Variants in CCDC18 observed in about 807,000 individuals in gnomAD.
The protein encoded by CCDC18 is coiled-coil domain containing 18.
Under a neutral mutation model 196.0 loss-of-function variants are expected in CCDC18, and 157 were observed. The ratio of observed to expected loss-of-function variants is 0.80; its 90% confidence interval spans 0.70 to 0.91. CCDC18 has a LOEUF of 0.91. Among genes scored for constraint, CCDC18 ranks in the 40% least tolerant of loss-of-function variants. The pLI, the probability that CCDC18 is intolerant of heterozygous loss-of-function variation, is 0.00. For missense variants in CCDC18, 1,465 were observed against 1,611.6 expected (o/e 0.91, Z 1.56); for synonymous variants, 482 against 529.2 (o/e 0.91, Z 1.22).
At chr1:93,244,084 A>G (rs1210950677) in intron 21 of CCDC18, among the ~76,000 whole-genome samples, 2 of 152,226 alleles carry the variant, frequency 1.3e-5, no homozygotes, top group Non-Finnish European at 2.9e-5. Context: ...TTTACAAAAG[A>G]AAGAGGTTTA....
chr1:93,210,229 C>G (rs1655389760), intron 9 of CCDC18, among the ~76,000 whole-genome samples: 1 of 152,164 alleles, frequency 6.6e-6, no homozygotes, highest in African/African-American at 2.4e-5. Flanking sequence ...AACCTTGCTC[C>G]TTTTTATAAC....
chr1:93,200,651 A>G (rs1038741922), intron 6 of CCDC18, among the ~76,000 whole-genome samples: 5 of 152,196 alleles, frequency 3.3e-5, no homozygotes, highest in African/African-American at 4.8e-5. Flanking sequence ...AAGGACCTCA[A>G]CTTTATTTGT....
chr1:93,208,324 C>CT lies in CCDC18; in HGVS notation c.1209+935dup, dbSNP rs771355381. Among the ~76,000 whole-genome samples the CT allele has an allele frequency of 2.8e-3, 388 of 138,590 alleles. 1 individual carries two copies. The highest frequency in any genetic ancestry group is 4.7e-3 in the Admixed American group (61 of 13,026). 90.9% of individuals were successfully genotyped at this position (138,590 alleles called of 152,430 possible). On this transcript the variant is annotated intron_variant, in intron 9 of 28. Transcript: ENST00000690025. ...GAAGTGGTATCACATTGTGGTTTTT[C>CT]TTTTTTTTTGTTTGTTTGTTTTTTT...
intron 23 of CCDC18, among the ~76,000 whole-genome samples, chr1:93,252,732 T>C (rs1662432889): frequency 6.6e-6 from 1 of 152,230 alleles, no homozygotes; most frequent in South Asian, 2.1e-4. Context: ...TTTTAGTCTT[T>C]GCAGTCTGGC....
chr1:93,203,834 A>G (rs954929365), intron 7 of CCDC18, among the ~76,000 whole-genome samples: 1 of 152,094 alleles, frequency 6.6e-6, no homozygotes, highest in Admixed American at 6.5e-5. Flanking sequence ...CTGTCTGTAA[A>G]AAATCAGAAA....
chr1:93,257,238 A>T (rs1165994180), intron 25 of CCDC18, among the ~76,000 whole-genome samples: 1 of 137,286 alleles, frequency 7.3e-6, no homozygotes, highest in Admixed American at 7.1e-5. Context: ...TCTCAAAAAA[A>T]AAAAAAAAAA....
rs781505934 is a variant in CCDC18 at position 93,226,335 on chromosome 1, T to C, written c.2178T>C (p.Val726=). 3 of 1,436,010 alleles carry C rather than the reference T, an allele frequency of 2.1e-6. No homozygotes were observed. In the South Asian group the frequency reaches 3.8e-5, roughly 18 times the overall value. 89.0% of individuals were successfully genotyped at this position (1,436,010 alleles called of 1,614,324 possible). A position where few individuals can be genotyped will look rare whatever the true frequency, so the allele number is the denominator to read the frequency against. The change falls in exon 17 of 29, where the codon GTT becomes GTC. Residue 726 remains valine, a splice_region_variant and synonymous_variant. Coordinates refer to ENST00000690025, the MANE Select transcript of CCDC18 (RefSeq NM_001378204.1). ...TTTTTGCTTTTTTTCCTGCTTAGGT[T>C]AGGCAACTAGATTCAGCATTGGAAA... ...QNQVSEETIK[V]RQLDSALEIC... is the part of the protein sequence containing the mutation.
intron 8 of CCDC18, among the ~76,000 whole-genome samples, chr1:93,206,065 G>T (rs971952401): frequency 2.6e-5 from 4 of 151,934 alleles, no homozygotes; most frequent in Non-Finnish European, 4.4e-5. Context: ...CTGAAAGATC[G>T]AAGTCTTCTG....
At chr1:93,262,108 C>G (rs1001232800) in intron 26 of CCDC18, 5 of 152,124 alleles carry the variant, frequency 3.3e-5, no homozygotes, top group African/African-American at 1.2e-4. Context: ...GGAACCACCC[C>G]CATGATCCAA....
intron 26 of CCDC18, among the ~76,000 whole-genome samples, chr1:93,261,560 C>CAA (rs1663793558): frequency 6.6e-6 from 1 of 151,978 alleles, no homozygotes; most frequent in Admixed American, 6.6e-5. Context: ...ACAGTGCTTT[C>CAA]AAAGAGATAT....
intron 26 of CCDC18, among the ~76,000 whole-genome samples, chr1:93,264,147 C>T (rs374609445): frequency 2.0e-4 from 30 of 152,166 alleles, no homozygotes; most frequent in African/African-American, 6.3e-4. Flanking sequence ...CACTTTTAAA[C>T]GATCAGATCT....
At position 93,216,699 on chromosome 1, in the gene CCDC18, T is replaced by C; in HGVS notation, c.1783T>C (p.Tyr595His). The C allele has an allele frequency of 6.3e-7, 1 of 1,591,010 alleles. No homozygotes were observed. The highest frequency in any genetic ancestry group is 8.5e-7 in the Non-Finnish European group (1 of 1,170,812). Reference sequence around the variant, plus strand: ...ACAGCTGGAAGAAAAGATAGTTGCTTATTCCTCTATTGCTGCAAAAAATGC... The same window carrying C: ...ACAGCTGGAAGAAAAGATAGTTGCTCATTCCTCTATTGCTGCAAAAAATGC... ...EKQLEEKIVA[Y>H]SSIAAKNAEL... The change falls in exon 13 of 29, where the codon TAT (tyrosine) becomes CAT (histidine). Residue 595 changes from tyrosine to histidine, a missense_variant. Tyr to His is a moderately conservative substitution (Grantham distance 83, BLOSUM62 2). Transcript: ENST00000690025.
At chr1:93,180,547 A>C, upstream of CCDC18, 6 of 1,473,514 alleles carry the variant, frequency 4.1e-6, no homozygotes, top group South Asian at 1.1e-5. Context: ...TCCCCCACCA[A>C]TGGGCATCAT....
rs367811258 is a variant in CCDC18 at position 93,221,949 on chromosome 1, A to G, written c.2175+13A>G. The G allele has an allele frequency of 2.0e-6, 3 of 1,506,772 alleles. No individual in the cohort carries two copies. The highest frequency in any genetic ancestry group is 2.4e-5 in the South Asian group (2 of 82,054). 93.3% of individuals were successfully genotyped at this position (1,506,772 alleles called of 1,614,324 possible). On this transcript the variant is annotated intron_variant, in intron 16 of 28. Coordinates refer to ENST00000690025, the MANE Select transcript of CCDC18 (RefSeq NM_001378204.1). ...AGAAACAATCAAGGCTAGTATGCTA[A>G]TACTTTATTTTTCTTTCTTTCCTTT...
At chr1:93,185,870 T>A (rs1298883801) in intron 3 of CCDC18, among the ~76,000 whole-genome samples, 1 of 151,792 alleles carries the variant, frequency 6.6e-6, no homozygotes, top group African/African-American at 2.4e-5. Flanking sequence ...AAATGTATTG[T>A]AAAATATATA....
At chr1:93,250,629 T>C (rs561077977) in intron 23 of CCDC18, among the ~76,000 whole-genome samples, 2 of 152,302 alleles carry the variant, frequency 1.3e-5, no homozygotes, top group African/African-American at 4.8e-5. Flanking sequence ...TTGCTTTATA[T>C]ACTCGGGAGC....
intron 28 of CCDC18, 97 bp from the exon 29 acceptor site, chr1:93,278,366 C>G: frequency 2.2e-6 from 1 of 455,314 alleles, no homozygotes; most frequent in Non-Finnish European, 3.9e-6. Context: ...TTCTCACTCT[C>G]GCTTTAAATT....
intron 17 of CCDC18, among the ~76,000 whole-genome samples, chr1:93,230,502 A>C (rs1004871559): frequency 2.0e-5 from 3 of 151,928 alleles, no homozygotes; most frequent in African/African-American, 4.8e-5. Flanking sequence ...AAAAAAAAAA[A>C]CAAAAAACTA....
At chr1:93,180,368 C>T (rs1557584339), upstream of CCDC18, 2 of 1,315,898 alleles carry the variant, frequency 1.5e-6, no homozygotes, top group Non-Finnish European at 2.1e-6. Flanking sequence ...AGGTGGCGGC[C>T]GCGGCGGCGG....
Sources: gnomAD v4.1 joint callset for allele counts (sites outside exome capture counted in the v4.1 genomes callset) on GRCh38, gnomAD v4.1.1 for gene constraint, MANE v1.5 for transcripts, NCBI Gene and HGNC (gene_info 2026-07-23, HGNC 2026-07-21) for gene names.